HOXC4: variants seen among roughly 807,000 people sequenced by gnomAD.
HOXC4 encodes homeobox C4.
HOXC4 carries 15 observed loss-of-function variants against 25.5 expected under a neutral mutation model. The observed-to-expected ratio is 0.59, with a 90% CI of 0.39 to 0.91. The LOEUF (loss-of-function observed/expected upper bound fraction) is 0.91. HOXC4 is among the 40% of genes least tolerant of loss of function. The pLI is 0.00. For synonymous variants in HOXC4, 165 were observed against 148.0 expected, an observed-to-expected ratio of 1.11 and a Z score of -0.83; for missense variants, 342 against 352.4, an observed-to-expected ratio of 0.97 and a Z score of 0.24.
intron 1 of HOXC4, among the ~76,000 whole-genome samples, chr12:54,047,224 G>A (rs909027621): frequency 1.3e-5 from 2 of 152,264 alleles, no homozygotes; most frequent in African/African-American, 2.4e-5. Context: ...GGACCGCGGA[G>A]AGCCCAGCTT....
At chr12:54,018,530 C>A (rs1466048199) in intron 1 of HOXC4, among the ~76,000 whole-genome samples, 1 of 152,232 alleles carries the variant, frequency 6.6e-6, no homozygotes, top group Admixed American at 6.5e-5. Context: ...ATAATTGGTG[C>A]TAATGGCCTG....
intron 1 of HOXC4, among the ~76,000 whole-genome samples, chr12:54,036,179 G>C (rs57280190): frequency 0.032 from 4,855 of 152,200 alleles, 260 homozygotes; most frequent in African/African-American, 0.11. Context: ...CCTTCTCCAG[G>C]CTCCTGGGAT....
intron 1 of HOXC4, among the ~76,000 whole-genome samples, chr12:54,042,896 A>G (rs1367563420): frequency 6.6e-6 from 1 of 152,228 alleles, no homozygotes; most frequent in East Asian, 1.9e-4. Context: ...ATGGGGCTCC[A>G]GGAGCCCAAG....
At chr12:54,018,105 C>A (rs1193978855) in intron 1 of HOXC4, among the ~76,000 whole-genome samples, 7 of 148,856 alleles carry the variant, frequency 4.7e-5, no homozygotes, top group Non-Finnish European at 8.9e-5. Context: ...CGCCCCCACT[C>A]GGGCGGATGG....
chr12:54,019,613 T>G (rs979499808), intron 1 of HOXC4, among the ~76,000 whole-genome samples: 22 of 152,002 alleles, frequency 1.4e-4, no homozygotes, highest in Non-Finnish European at 3.2e-4. Flanking sequence ...AAGAAAACCT[T>G]TTCCAGAGAA....
At chr12:54,036,952 G>A (rs188717136) in intron 1 of HOXC4, among the ~76,000 whole-genome samples, 1 of 152,292 alleles carries the variant, frequency 6.6e-6, no homozygotes, top group East Asian at 1.9e-4. Flanking sequence ...GGGCAATGTT[G>A]GTTAGAGCTG....
chr12:54,050,839 C>T (rs140333317), upstream of HOXC4, among the ~76,000 whole-genome samples: 17 of 152,266 alleles, frequency 1.1e-4, no homozygotes, highest in East Asian at 3.3e-3. Context: ...GAAAACTCTA[C>T]ATATTTATAG....
chr12:54,021,534 G>C, intron 1 of HOXC4: 1 of 152,196 alleles, frequency 6.6e-6, no homozygotes, highest in African/African-American at 2.4e-5. Flanking sequence ...CCCCATAAAA[G>C]AAAGCAGGGA....
At position 54,053,843 on chromosome 12, in the gene HOXC4, A is replaced by C. The variant is rs1937903152; in HGVS notation, c.-80A>C. 4 of 1,110,292 alleles carry C rather than the reference A, an allele frequency of 3.6e-6. No individual in the cohort carries two copies. In the East Asian group the frequency reaches 7.2e-5, roughly 20 times the overall value. 68.8% of individuals were successfully genotyped at this position (1,110,292 alleles called of 1,614,324 possible). A position where few individuals can be genotyped will look rare whatever the true frequency, so the allele number is the denominator to read the frequency against. Reference sequence around the variant, plus strand: ...AGTCACATGGTGAAAGTAACTTTACAGGGTCGCTAGCTAGTAGGAGGGCTT... The same window carrying C: ...AGTCACATGGTGAAAGTAACTTTACCGGGTCGCTAGCTAGTAGGAGGGCTT... On this transcript the variant is annotated 5_prime_UTR_variant, in exon 1 of 2. Transcript: ENST00000430889.
intron 1 of HOXC4, chr12:54,021,773 G>GTGGCA (rs1940456402): frequency 6.6e-6 from 1 of 152,370 alleles, no homozygotes; most frequent in Admixed American, 6.5e-5. Context: ...CTGCCACGGC[G>GTGGCA]CCGCAGCCGC....
intron 1 of HOXC4, among the ~76,000 whole-genome samples, chr12:54,044,480 A>G (rs761284184): frequency 4.8e-4 from 73 of 152,306 alleles, no homozygotes; most frequent in Non-Finnish European, 8.4e-4. Flanking sequence ...GGCTGTAGAT[A>G]TCAGGACTCT....
At chr12:54,052,338 T>C (rs1937865066), upstream of HOXC4, among the ~76,000 whole-genome samples, 1 of 152,214 alleles carries the variant, frequency 6.6e-6, no homozygotes, top group Admixed American at 6.5e-5. Flanking sequence ...CGCTGGCAGA[T>C]TTAGTCTAAT....
rs374677327 is a variant in HOXC4, at chr12:54,022,321, A to G, written c.-124+4907A>G. 49 of 152,322 alleles carry G rather than the reference A, an allele frequency of 3.2e-4. No homozygotes were observed. The East Asian group carries it at 8.7e-3, about 27-fold the overall frequency. 9.4% of individuals were successfully genotyped at this position (152,322 alleles called of 1,614,324 possible). A position where few individuals can be genotyped will look rare whatever the true frequency, so the allele number is the denominator to read the frequency against. On this transcript the variant is annotated intron_variant, in intron 1 of 3. Coordinates refer to the HOXC4 transcript ENST00000303406. The stretch of plus-strand genomic sequence containing the variant: ...CCTCTCCTCAGCCCCCCAAAATTGC[A>G]GTGAATTTAAGCAAATCCTACAAAA...
intron 1 of HOXC4, among the ~76,000 whole-genome samples, chr12:54,039,975 T>G (rs1237995982): frequency 6.6e-6 from 1 of 152,168 alleles, no homozygotes; most frequent in Non-Finnish European, 1.5e-5. Context: ...TTCTGTTCTT[T>G]AGGCTCAAAA....
chr12:54,038,909 C>T (rs1941228953), intron 1 of HOXC4, among the ~76,000 whole-genome samples: 1 of 152,036 alleles, frequency 6.6e-6, no homozygotes, highest in Non-Finnish European at 1.5e-5. Context: ...AGCACTGCAC[C>T]CTGGGGTCAA....
intron 1 of HOXC4, among the ~76,000 whole-genome samples, chr12:54,042,626 G>A (rs2136457722): frequency 6.6e-6 from 1 of 152,246 alleles, no homozygotes; most frequent in South Asian, 2.1e-4. Context: ...CCTTTTTGCT[G>A]AGAAGACAAG....
chr12:54,022,982 G>A (rs1206019230), intron 1 of HOXC4, among the ~76,000 whole-genome samples: 1 of 152,160 alleles, frequency 6.6e-6, no homozygotes. Context: ...TATTCTGGGG[G>A]CTGAAAATAT....
At chr12:54,038,038 C>G (rs974099206) in intron 1 of HOXC4, 3 of 152,208 alleles carry the variant, frequency 2.0e-5, no homozygotes, top group Non-Finnish European at 4.4e-5. Flanking sequence ...CTCTTTCTCT[C>G]TCTCAGACCC....
At chr12:54,031,325 G>C (rs1940977695) in intron 1 of HOXC4, among the ~76,000 whole-genome samples, 1 of 152,202 alleles carries the variant, frequency 6.6e-6, no homozygotes, top group Non-Finnish European at 1.5e-5. Context: ...GGAGAGCGGA[G>C]GGAAAGAGAA....
Sources: gnomAD v4.1 joint callset for allele counts (sites outside exome capture counted in the v4.1 genomes callset) on GRCh38, gnomAD v4.1.1 for gene constraint, MANE v1.5 for transcripts, NCBI Gene and HGNC (gene_info 2026-07-23, HGNC 2026-07-21) for gene names.